The following SNTG1 variants were observed in gnomAD, a reference collection of about 807,000 sequenced individuals.
The protein encoded by SNTG1 is syntrophin gamma 1, also known as gamma-1-syntrophin.
In SNTG1, 39 loss-of-function variants were observed where a neutral mutation model predicts 74.7. That is an observed-to-expected ratio of 0.52 (90% CI 0.40 to 0.68). SNTG1 has a LOEUF of 0.68. Among genes scored for constraint, SNTG1 ranks in the 30% least tolerant of loss-of-function variants. The pLI is 0.00. For missense variants in SNTG1, 685 were observed against 609.5 expected, an observed-to-expected ratio of 1.12 and a Z score of -1.30; for synonymous variants, 254 against 217.1, an observed-to-expected ratio of 1.17 and a Z score of -1.49.
At chr8:50,621,614 A>G (rs1351252706) in intron 13 of SNTG1, among the ~76,000 whole-genome samples, 2 of 152,200 alleles carry the variant, frequency 1.3e-5, no homozygotes, top group Non-Finnish European at 2.9e-5. Context: ...TTTGTCCAAA[A>G]GAAACTATTG....
intron 2 of SNTG1, among the ~76,000 whole-genome samples, chr8:50,202,602 G>A (rs188448999): frequency 5.9e-5 from 9 of 151,984 alleles, no homozygotes; most frequent in African/African-American, 1.9e-4. Context: ...GCTTATTAAA[G>A]GACATTTTGA....
At chr8:50,650,519 T>C (rs1452559714) in intron 13 of SNTG1, among the ~76,000 whole-genome samples, 2 of 152,096 alleles carry the variant, frequency 1.3e-5, no homozygotes, top group Non-Finnish European at 2.9e-5. Context: ...AGAATTTAGA[T>C]CATTTTTAAA....
intron 4 of SNTG1, among the ~76,000 whole-genome samples, chr8:50,425,766 A>C (rs1450198851): frequency 1.3e-5 from 2 of 152,178 alleles, no homozygotes; most frequent in African/African-American, 4.8e-5. Flanking sequence ...TATGAAAGAA[A>C]GGTCAATCTG....
At chr8:50,382,901 T>G (rs2092513211) in intron 2 of SNTG1, among the ~76,000 whole-genome samples, 1 of 152,000 alleles carries the variant, frequency 6.6e-6, no homozygotes, top group African/African-American at 2.4e-5. Flanking sequence ...TGGGCAGGAG[T>G]TGGTGCTGCC....
intron 11 of SNTG1, among the ~76,000 whole-genome samples, chr8:50,549,218 A>G (rs778390856): frequency 4.6e-5 from 7 of 152,128 alleles, no homozygotes; most frequent in Non-Finnish European, 7.4e-5. Context: ...CTGAAAAATT[A>G]AAAGAGATGA....
chr8:50,069,689 C>T (rs1821198956), intron 1 of SNTG1, among the ~76,000 whole-genome samples: 1 of 136,076 alleles, frequency 7.3e-6, no homozygotes, highest in African/African-American at 2.8e-5. Flanking sequence ...AAAACCCCCA[C>T]TGTGTTCTCC....
chr8:49,940,815 A>T (rs1339269355), intron 1 of SNTG1, among the ~76,000 whole-genome samples: 4 of 152,006 alleles, frequency 2.6e-5, no homozygotes, highest in African/African-American at 9.7e-5. Context: ...TGAAAATAGA[A>T]CACATGTTGC....
intron 18 of SNTG1, among the ~76,000 whole-genome samples, chr8:50,789,369 A>T (rs988942753): frequency 6.6e-6 from 1 of 151,914 alleles, no homozygotes; most frequent in Non-Finnish European, 1.5e-5. Flanking sequence ...GTGGAGTCTC[A>T]GGGATGAGTG....
intron 2 of SNTG1, among the ~76,000 whole-genome samples, chr8:50,366,670 G>A (rs1587335942): frequency 6.9e-6 from 1 of 144,742 alleles, no homozygotes; most frequent in African/African-American, 2.5e-5. Flanking sequence ...TAATAATATA[G>A]GCCTATATTA....
chr8:50,335,308 G>T (rs1004310248), intron 2 of SNTG1, among the ~76,000 whole-genome samples: 4 of 152,198 alleles, frequency 2.6e-5, no homozygotes, highest in African/African-American at 9.6e-5. Context: ...AGAAGTCTGA[G>T]CATACAACAT....
intron 8 of SNTG1, among the ~76,000 whole-genome samples, chr8:50,479,842 A>G (rs1210693557): frequency 1.3e-5 from 2 of 152,148 alleles, no homozygotes; most frequent in African/African-American, 2.4e-5. Context: ...ATTGTTTTCT[A>G]TTGACTAGAT....
chr8:50,731,619 G>A (rs1359651731), intron 17 of SNTG1, among the ~76,000 whole-genome samples: 2 of 152,036 alleles, frequency 1.3e-5, no homozygotes, highest in Non-Finnish European at 2.9e-5. Context: ...TCTCCTGTCT[G>A]GGTCTACCTC....
At chr8:50,698,485 G>T (rs1328239184) in intron 15 of SNTG1, among the ~76,000 whole-genome samples, 2 of 152,100 alleles carry the variant, frequency 1.3e-5, no homozygotes, top group African/African-American at 2.4e-5. Flanking sequence ...GGGGGAAGGG[G>T]GTGAAGTGAA....
chr8:50,396,663 T>C (rs1290088564), intron 3 of SNTG1, among the ~76,000 whole-genome samples: 1 of 152,256 alleles, frequency 6.6e-6, no homozygotes, highest in African/African-American at 2.4e-5. Flanking sequence ...CTACTTTTTG[T>C]AGTTTGTCAT....
intron 12 of SNTG1, among the ~76,000 whole-genome samples, chr8:50,575,488 A>G (rs1416995620): frequency 6.6e-6 from 1 of 152,154 alleles, no homozygotes; most frequent in Non-Finnish European, 1.5e-5. Flanking sequence ...AACACACCTC[A>G]GCTCCTTTTC....
chr8:50,271,255 C>T (rs1005063857), intron 2 of SNTG1, among the ~76,000 whole-genome samples: 3 of 152,092 alleles, frequency 2.0e-5, no homozygotes, highest in Non-Finnish European at 4.4e-5. Context: ...CAACAAATTT[C>T]GTGTAAGAAT....
chr8:50,253,605 G>C (rs2086740631), intron 2 of SNTG1, among the ~76,000 whole-genome samples: 1 of 143,064 alleles, frequency 7.0e-6, no homozygotes, highest in African/African-American at 2.7e-5. Context: ...GATGAATGGA[G>C]AAAGAAAATG....
chr8:50,635,077 C>A (rs1026070590), intron 13 of SNTG1, among the ~76,000 whole-genome samples: 17 of 152,006 alleles, frequency 1.1e-4, no homozygotes, highest in Admixed American at 3.9e-4. Flanking sequence ...AGAGTCTCAC[C>A]CCATTTTAAC....
rs912040928 is a variant in SNTG1, at chr8:50,394,361, A to G, written c.27+96A>G. 3.2e-6 allele frequency: 4 copies of G among 1,254,048 alleles called. No individual in the cohort carries two copies. In the African/African-American group the frequency reaches 6.0e-5, roughly 19 times the overall value. The allele number at this position is 1,254,048 out of a possible 1,614,324, so 77.7% of individuals were successfully genotyped here. Reference sequence around the variant, plus strand: ...TATATAGGGAAATTCTGCTTTTGGCAGAAAATGGAGAGAGGAGGATGGGCT... The same window carrying G: ...TATATAGGGAAATTCTGCTTTTGGCGGAAAATGGAGAGAGGAGGATGGGCT... On this transcript the variant is annotated intron_variant, in intron 3 of 18. Coordinates refer to ENST00000642720, the MANE Select transcript of SNTG1 (RefSeq NM_018967.5).
Sources: gnomAD v4.1 joint callset for allele counts (sites outside exome capture counted in the v4.1 genomes callset) on GRCh38, gnomAD v4.1.1 for gene constraint, MANE v1.5 for transcripts, NCBI Gene and HGNC (gene_info 2026-07-23, HGNC 2026-07-21) for gene names.